The following LRRFIP2 variants were observed in gnomAD, a reference collection of about 807,000 sequenced individuals.
LRRFIP2 encodes the protein LRR binding FLII interacting protein 2.
Under a neutral mutation model 125.9 loss-of-function variants are expected in LRRFIP2, and 109 were observed. The ratio of observed to expected loss-of-function variants is 0.87; its 90% CI spans 0.74 to 1.01. The LOEUF is 1.01. Among genes scored for constraint, LRRFIP2 ranks in the 50% least tolerant of loss-of-function variants. The probability of loss-of-function intolerance (pLI) is 0.00; values close to 1 mark genes in which losing one functional copy is unlikely to be tolerated. For synonymous variants in LRRFIP2, 291 were observed against 293.1 expected, an observed-to-expected ratio of 0.99 and a Z score of 0.07; for missense variants, 850 against 862.3, an observed-to-expected ratio of 0.99 and a Z score of 0.18.
At chr3:37,124,040 T>C (rs2095177364) in intron 4 of LRRFIP2, among the ~76,000 whole-genome samples, 1 of 152,216 alleles carries the variant, frequency 6.6e-6, no homozygotes, top group African/African-American at 2.4e-5. Context: ...ACAGGTCAGT[T>C]AATTTGGACA....
At chr3:37,072,244 T>A (rs2091322213) in intron 21 of LRRFIP2, among the ~76,000 whole-genome samples, 1 of 152,140 alleles carries the variant, frequency 6.6e-6, no homozygotes, top group Non-Finnish European at 1.5e-5. Context: ...CTCACGCCTA[T>A]AATCCTAGCA....
chr3:37,105,401 G>T, intron 14 of LRRFIP2, 54 bp downstream of exon 14: 1 of 1,364,008 alleles, frequency 7.3e-7, no homozygotes, highest in Non-Finnish European at 1.1e-6. Flanking sequence ...ATGTGATCAT[G>T]CATTGCTGTC....
At chr3:37,166,985 A>G (rs1383714638) in intron 1 of LRRFIP2, among the ~76,000 whole-genome samples, 1 of 152,060 alleles carries the variant, frequency 6.6e-6, no homozygotes, top group Non-Finnish European at 1.5e-5. Context: ...ATTGCACTCC[A>G]GCCTGGGCAA....
intron 6 of LRRFIP2, among the ~76,000 whole-genome samples, chr3:37,117,413 C>T (rs1400828933): frequency 6.6e-6 from 1 of 151,876 alleles, no homozygotes; most frequent in African/African-American, 2.4e-5. Context: ...ATAATTTGGG[C>T]ATACCAATTT....
intron 6 of LRRFIP2, among the ~76,000 whole-genome samples, chr3:37,118,547 C>T (rs1374910218): frequency 6.6e-6 from 1 of 152,210 alleles, no homozygotes; most frequent in Non-Finnish European, 1.5e-5. Flanking sequence ...TTCCCTCCCC[C>T]AATCCTACCA....
chr3:37,090,948 T>C (rs936802643), intron 18 of LRRFIP2, among the ~76,000 whole-genome samples: 20 of 152,252 alleles, frequency 1.3e-4, no homozygotes, highest in African/African-American at 4.8e-4. Context: ...GCAACACTTT[T>C]TCATTTAGCG....
intron 21 of LRRFIP2, chr3:37,067,985 T>A (rs1402717147): frequency 6.6e-6 from 1 of 152,218 alleles, no homozygotes; most frequent in Admixed American, 6.6e-5. Context: ...TCCTACTCTT[T>A]ACTTATCCAA....
At chr3:37,120,216 C>A (rs977671571) in intron 6 of LRRFIP2, among the ~76,000 whole-genome samples, 1 of 150,618 alleles carries the variant, frequency 6.6e-6, no homozygotes, top group African/African-American at 2.4e-5. Context: ...AAGCAATTCT[C>A]CTGTTTCAGC....
intron 1 of LRRFIP2, 31 bp downstream of exon 1, chr3:37,174,508 G>A (rs1386549942): frequency 6.6e-6 from 1 of 152,002 alleles, no homozygotes; most frequent in Non-Finnish European, 1.5e-5. Flanking sequence ...ATTTTGTATA[G>A]TGCAAATTCT....
chr3:37,124,553 G>C lies in LRRFIP2; in HGVS notation c.229-2862C>G, dbSNP rs566957785. On this transcript the variant is annotated intron_variant, in intron 4 of 27. Coordinates refer to ENST00000336686, the MANE Select transcript of LRRFIP2 (RefSeq NM_006309.4). ...GTAGCAATTCTATTTTTAAGAGCTAGAAGAGTCCTTAGAGATCATCTAGTC... is the reference window on the plus strand; with the variant it reads ...GTAGCAATTCTATTTTTAAGAGCTACAAGAGTCCTTAGAGATCATCTAGTC... Among the ~76,000 whole-genome samples the C allele has an allele frequency of 9.8e-5, 15 of 152,312 alleles. No individual in the cohort carries two copies. The South Asian group carries it at 1.9e-3, about 19-fold the overall frequency.
chr3:37,169,849 G>A (rs1311105134), intron 1 of LRRFIP2, among the ~76,000 whole-genome samples: 1 of 151,790 alleles, frequency 6.6e-6, no homozygotes, highest in Non-Finnish European at 1.5e-5. Flanking sequence ...TTTAATGAAG[G>A]TGTTTATATT....
chr3:37,147,462 T>C (rs1433972543), intron 2 of LRRFIP2, among the ~76,000 whole-genome samples: 2 of 152,202 alleles, frequency 1.3e-5, no homozygotes, highest in East Asian at 1.9e-4. Context: ...CTCTCATTGA[T>C]TTTTAATGTA....
chr3:37,107,049 C>A (rs568118767), intron 13 of LRRFIP2, among the ~76,000 whole-genome samples: 1 of 152,086 alleles, frequency 6.6e-6, no homozygotes, highest in East Asian at 1.9e-4. Context: ...GGATTACAGG[C>A]ATGTGCCACC....
chr3:37,109,852 A>T (rs2094488260), intron 9 of LRRFIP2, 149 bp from the exon 10 acceptor site: 2 of 651,430 alleles, frequency 3.1e-6, no homozygotes, highest in East Asian at 5.5e-5. Context: ...AAGAAACACA[A>T]GAAATAAGAA....
intron 7 of LRRFIP2, 40 bp downstream of exon 7, chr3:37,115,014 G>A (rs761083935): frequency 6.7e-7 from 1 of 1,490,230 alleles, no homozygotes; most frequent in South Asian, 1.2e-5. Context: ...TGTTTATAAA[G>A]TAAAATTCCA....
At chr3:37,158,320 A>G (rs1008475579) in intron 1 of LRRFIP2, among the ~76,000 whole-genome samples, 1 of 152,198 alleles carries the variant, frequency 6.6e-6, no homozygotes, top group African/African-American at 2.4e-5. Flanking sequence ...TAAAAGTGTG[A>G]AACAGGCCAG....
Position 37,108,741 on chromosome 3 carries a change from G to T in LRRFIP2, c.610-57C>A. The T allele has an allele frequency of 2.8e-6, 4 of 1,432,838 alleles. No homozygotes were observed. The South Asian group carries it at 4.7e-5, about 17-fold the overall frequency. The allele number at this position is 1,432,838 out of a possible 1,614,324, so 88.8% of individuals were successfully genotyped here. ...TTAGCTTCAAGGTTGTTTTGAAAAT[G>T]ACTTAATGTTTTCACAATACTCAGT... On this transcript the variant is annotated intron_variant, in intron 11 of 27. Transcript: ENST00000336686.
rs571255838 is a variant in LRRFIP2 at position 37,053,193 on chromosome 3, A to C, written c.*658T>G. On this transcript the variant is annotated 3_prime_UTR_variant, in exon 28 of 28. Coordinates refer to ENST00000336686, the MANE Select transcript of LRRFIP2 (RefSeq NM_006309.4). ...AGGACCCAACTCTTACTTTAGGAGT[A>C]TTAGGCCTGGACTTCCCCTGCCCCA... 2.0e-5 allele frequency: 3 copies of C among 152,688 alleles called. No individual in the cohort carries two copies. The highest frequency in any genetic ancestry group is 4.4e-5 in the Non-Finnish European group (3 of 68,096). 9.5% of individuals were successfully genotyped at this position (152,688 alleles called of 1,614,324 possible). A position where few individuals can be genotyped will look rare whatever the true frequency, so the allele number is the denominator to read the frequency against.
At chr3:37,084,978 A>G (rs1192828576) in intron 18 of LRRFIP2, among the ~76,000 whole-genome samples, 1 of 152,238 alleles carries the variant, frequency 6.6e-6, no homozygotes, top group African/African-American at 2.4e-5. Flanking sequence ...ACAATCAGTT[A>G]ATTTGGACAA....
Sources: allele counts gnomAD v4.1 joint callset (sites outside exome capture counted in the v4.1 genomes callset), GRCh38; gene constraint gnomAD v4.1.1; transcripts MANE v1.5; gene names NCBI Gene and HGNC (gene_info 2026-07-23, HGNC 2026-07-21).